Variants in USH2A observed in about 807,000 individuals in gnomAD.
USH2A encodes the protein usherin.
USH2A carries 443 observed loss-of-function variants against 538.9 expected under a neutral mutation model. The observed-to-expected ratio is 0.82, with a 90% CI of 0.76 to 0.89. USH2A has a LOEUF of 0.89. Ranked by LOEUF, USH2A falls within the 40% of genes least tolerant of loss-of-function variation. The pLI is 0.00. For missense variants in USH2A, 6,633 were observed against 6,324.8 expected (o/e 1.05, Z -1.65); for synonymous variants, 2,413 against 2,273.5 (o/e 1.06, Z -1.75).
intron 58 of USH2A, among the ~76,000 whole-genome samples, chr1:215,756,180 C>T (rs1451395042): frequency 1.3e-5 from 2 of 152,134 alleles, no homozygotes; most frequent in Admixed American, 1.3e-4. Flanking sequence ...ATGTAGGTAT[C>T]ATCATTATCT....
intron 44 of USH2A, among the ~76,000 whole-genome samples, chr1:215,852,601 C>T (rs959800457): frequency 6.6e-6 from 1 of 152,148 alleles, no homozygotes; most frequent in Non-Finnish European, 1.5e-5. Flanking sequence ...TGAGACAAGG[C>T]AAGTCCCTGC....
Position 215,737,098 on chromosome 1 carries a change from A to C in USH2A, c.11711+4277T>G, listed in dbSNP as rs1204417461. Among the ~76,000 whole-genome samples, 3 of 152,068 alleles carry C rather than the reference A, an allele frequency of 2.0e-5. No individual in the cohort carries two copies. The East Asian group carries it at 5.8e-4, about 29-fold the overall frequency. On this transcript the variant is annotated intron_variant, in intron 60 of 71. Transcript: ENST00000307340. ...GTACTGGCTAAATAATATATGATAC[A>C]CATCCATATAACAGAATATTGATGA...
intron 58 of USH2A, among the ~76,000 whole-genome samples, chr1:215,748,980 T>C (rs1338727893): frequency 6.6e-6 from 1 of 152,248 alleles, no homozygotes; most frequent in East Asian, 1.9e-4. Context: ...CCATCTTTCA[T>C]ATAAAGTTGC....
chr1:215,734,644 C>G (rs1054518137), intron 60 of USH2A, among the ~76,000 whole-genome samples: 1 of 152,168 alleles, frequency 6.6e-6, no homozygotes, highest in African/African-American at 2.4e-5. Flanking sequence ...AACAGCCAGG[C>G]AAAGTCTTGA....
intron 58 of USH2A, among the ~76,000 whole-genome samples, chr1:215,752,445 G>A (rs2102735741): frequency 6.6e-6 from 1 of 152,178 alleles, no homozygotes; most frequent in Middle Eastern, 3.4e-3. Context: ...GGGAGACAGG[G>A]GAATATTTAC....
chr1:216,206,998 A>G (rs1301511124), intron 16 of USH2A, among the ~76,000 whole-genome samples: 2 of 152,186 alleles, frequency 1.3e-5, no homozygotes, highest in African/African-American at 4.8e-5. Flanking sequence ...AGTTTATAAA[A>G]GTTCCAGCTT....
At chr1:215,848,662 C>G (rs1663929869) in intron 44 of USH2A, among the ~76,000 whole-genome samples, 1 of 152,196 alleles carries the variant, frequency 6.6e-6, no homozygotes, top group Non-Finnish European at 1.5e-5. Flanking sequence ...AGAACAGAAA[C>G]AGGCAGCACT....
chr1:215,990,904 G>A (rs1391303377), intron 35 of USH2A, among the ~76,000 whole-genome samples: 7 of 151,706 alleles, frequency 4.6e-5, no homozygotes, highest in African/African-American at 1.7e-4. Context: ...TGGGACTACA[G>A]GCACCTGCCA....
At chr1:216,157,160 C>T (rs183255835) in intron 21 of USH2A, among the ~76,000 whole-genome samples, 303 of 152,200 alleles carry the variant, frequency 2.0e-3, no homozygotes, top group Middle Eastern at 6.8e-3. Flanking sequence ...TGTGAGCCAC[C>T]GCGCCCAGCC....
At chr1:215,877,733 GT>G in intron 43 of USH2A, 24 bp downstream of exon 43, 1 of 1,612,912 alleles carries the variant, frequency 6.2e-7, no homozygotes, top group Non-Finnish European at 8.5e-7. Context: ...GCCAGCATTT[GT>G]TTTTATAGTT....
At chr1:216,312,899 T>G (rs1284592561) in intron 9 of USH2A, among the ~76,000 whole-genome samples, 4 of 152,142 alleles carry the variant, frequency 2.6e-5, no homozygotes, top group Non-Finnish European at 4.4e-5. Context: ...AATCCAGACA[T>G]GATGTACTGA....
At chr1:215,697,931 G>T (rs11120607) in intron 61 of USH2A, among the ~76,000 whole-genome samples, 5 of 151,898 alleles carry the variant, frequency 3.3e-5, no homozygotes, top group African/African-American at 1.2e-4. Flanking sequence ...GCACCCATCA[G>T]CCCGTCATCT....
intron 43 of USH2A, among the ~76,000 whole-genome samples, chr1:215,875,287 C>CT (rs141946821): frequency 0.04 from 5,788 of 146,426 alleles, 177 homozygotes; most frequent in East Asian, 0.14. Flanking sequence ...AGAAGAAATG[C>CT]TTTTTTTTTT....
intron 30 of USH2A, among the ~76,000 whole-genome samples, chr1:216,056,803 T>TGA (rs140228784): frequency 4.0e-4 from 60 of 151,222 alleles, no homozygotes; most frequent in African/African-American, 1.3e-3. Flanking sequence ...TGTGTGTGTG[T>TGA]GAGAGAGAGA....
chr1:215,875,855 TAA>T (rs1664747940), intron 43 of USH2A, among the ~76,000 whole-genome samples: 1 of 147,374 alleles, frequency 6.8e-6, no homozygotes, highest in South Asian at 2.1e-4. Flanking sequence ...GGACAGCAAT[TAA>T]TATATATATT....
In USH2A at chr1:216,308,331, T is replaced by A. The variant is rs75578402; in HGVS notation, c.1644+13552A>T. On this transcript the variant is annotated intron_variant, in intron 9 of 71. Transcript: ENST00000307340. The stretch of plus-strand genomic sequence containing the variant: ...CACCTTCCCATAAGTGGTGTATGAG[T>A]CCCCACTTACCAGTTCCTGAAATTT... 2.6e-5 allele frequency among the ~76,000 whole-genome samples: 4 copies of A among 152,188 alleles called. 1 individual carries two copies. Among genetic ancestry groups the A allele is most frequent in the South Asian group, 2.1e-4 (1 of 4,814 alleles).
In USH2A at chr1:215,753,355, C is replaced by T. The variant is rs866475934; in HGVS notation, c.11389+5240G>A. Among the ~76,000 whole-genome samples the T allele has an allele frequency of 8.9e-3, 1,353 of 151,880 alleles. 21 individuals are homozygous for T. Among genetic ancestry groups the T allele is most frequent in the African/African-American group, 0.031 (1,262 of 41,254 alleles). On this transcript the variant is annotated intron_variant, in intron 58 of 71. Coordinates refer to ENST00000307340, the MANE Select transcript of USH2A (RefSeq NM_206933.4). ...TAAATCATGCTGCTATAAAGACACACGCACATGTATGTTTATTGCGGCACT... is the reference window on the plus strand; with the variant it reads ...TAAATCATGCTGCTATAAAGACACATGCACATGTATGTTTATTGCGGCACT...
intron 52 of USH2A, among the ~76,000 whole-genome samples, chr1:215,784,904 G>A (rs1661750796): frequency 6.6e-6 from 1 of 152,120 alleles, no homozygotes; most frequent in Admixed American, 6.6e-5. Context: ...TCAAAATCTT[G>A]ATCTTGATTA....
chr1:215,824,218 C>CCAACCTGGGTGCCAA, intron 47 of USH2A, among the ~76,000 whole-genome samples: 1 of 152,128 alleles, frequency 6.6e-6, no homozygotes, highest in African/African-American at 2.4e-5. Context: ...ATATATTACT[C>CCAACCTGGGTGCCAA]TTCTCTCCAT....
Sources: gnomAD v4.1 joint callset for allele counts (sites outside exome capture counted in the v4.1 genomes callset) on GRCh38, gnomAD v4.1.1 for gene constraint, MANE v1.5 for transcripts, NCBI Gene and HGNC (gene_info 2026-07-23, HGNC 2026-07-21) for gene names.